Variants in TNC observed in about 807,000 individuals in gnomAD.
The protein encoded by TNC is tenascin.
TNC carries 109 observed loss-of-function variants against 202.4 expected under a neutral mutation model. The ratio of observed to expected loss-of-function variants is 0.54; its 90% CI spans 0.46 to 0.63. The LOEUF (loss-of-function observed/expected upper bound fraction) is 0.63. Among genes scored for constraint, TNC ranks in the 30% least tolerant of loss-of-function variants. The pLI, the probability that TNC is intolerant of heterozygous loss-of-function variation, is 0.00. For synonymous variants in TNC, 1,007 were observed against 1,089.7 expected (o/e 0.92, Z 1.50); for missense variants, 2,756 against 2,833.3 (o/e 0.97, Z 0.62).
rs201681796 is a variant in TNC at position 115,086,541 on chromosome 9, C to T, written c.1190G>A (p.Gly397Asp). The T allele has an allele frequency of 3.1e-6, 5 of 1,613,928 alleles. No individual in the cohort carries two copies. In the East Asian group the frequency reaches 1.1e-4, roughly 36 times the overall value. The change falls in exon 3 of 28, where the codon GGT becomes GAT. Residue 397 changes from glycine (G) to aspartate (D), a missense_variant. This residue lies in a region of TNC where 2,559 missense variants were observed against 2,546.0 expected (regional missense o/e 1.01). Coordinates refer to ENST00000350763, the MANE Select transcript of TNC (RefSeq NM_002160.4). ...CTCCCCACAGTCAGCTCCAGTGAAA[C>T]CATCATCACACTCACACCGCCCGTC... ...CVDGRCECDD[G>D]FTGADCGELK...
In TNC at chr9:115,076,362, C is replaced by G. The variant is rs772955498; in HGVS notation, c.2860+28G>C. On this transcript the variant is annotated intron_variant, in intron 8 of 27. Transcript: ENST00000350763. Reference sequence around the variant, plus strand: ...TTAAGGGCCCTCTAGGGCTGGCTGGCTCAGGCTTGCAGAGATGCAGAGCTC... The same window carrying G: ...TTAAGGGCCCTCTAGGGCTGGCTGGGTCAGGCTTGCAGAGATGCAGAGCTC... 2.5e-5 allele frequency: 41 copies of G among 1,611,072 alleles called. 1 individual carries two copies. The highest frequency in any genetic ancestry group is 3.4e-5 in the Non-Finnish European group (40 of 1,178,484).
chr9:115,092,829 A>C (rs1835334829), intron 1 of TNC, among the ~76,000 whole-genome samples: 1 of 150,164 alleles, frequency 6.7e-6, no homozygotes, highest in South Asian at 2.1e-4. Flanking sequence ...CAGGCAATCC[A>C]CTTGCCTCAA....
chr9:115,066,311 C>T (rs778278208), intron 10 of TNC, among the ~76,000 whole-genome samples: 29 of 152,330 alleles, frequency 1.9e-4, no homozygotes, highest in Non-Finnish European at 2.2e-4. Context: ...AAGTATTTCT[C>T]TGGAAATGGA....
In TNC at chr9:115,021,102, A is replaced by T; in HGVS notation, c.*55T>A. On this transcript the variant is annotated 3_prime_UTR_variant, in exon 28 of 28. Transcript: ENST00000350763. ...GGCTGGTTGTATTGATGCTTTGGTA[A>T]AATCCTTTCCTCGCTCTGGGCCTTA... 1 of 1,444,972 alleles carries T rather than the reference A, an allele frequency of 6.9e-7. No homozygotes were observed. The highest frequency in any genetic ancestry group is 9.7e-7 in the Non-Finnish European group (1 of 1,031,190). 89.5% of individuals were successfully genotyped at this position (1,444,972 alleles called of 1,614,324 possible). A position where few individuals can be genotyped will look rare whatever the true frequency, so the allele number is the denominator to read the frequency against.
intron 1 of TNC, among the ~76,000 whole-genome samples, chr9:115,094,815 CTCTGTGTGTGTGTGTGTGTGTGTG>C (rs1213293256): frequency 7.2e-5 from 9 of 125,228 alleles, no homozygotes; most frequent in Non-Finnish European, 1.0e-4. Flanking sequence ...GAACAAGTGC[CTCTGTGTGTGTGTGTGTGTGTGTG>C]TGTGTGTGTG....
intron 1 of TNC, among the ~76,000 whole-genome samples, chr9:115,113,779 A>C (rs1175839587): frequency 6.6e-6 from 1 of 152,216 alleles, no homozygotes; most frequent in Non-Finnish European, 1.5e-5. Flanking sequence ...TAGACTAAAA[A>C]TGCACATGGA....
intron 1 of TNC, among the ~76,000 whole-genome samples, chr9:115,117,461 T>A (rs1227694937): frequency 6.6e-6 from 1 of 152,158 alleles, no homozygotes; most frequent in Non-Finnish European, 1.5e-5. Context: ...ATTTCCAGGG[T>A]GAATATTTTG....
intron 19 of TNC, among the ~76,000 whole-genome samples, chr9:115,038,836 T>TC (rs1458598348): frequency 3.9e-5 from 6 of 152,076 alleles, no homozygotes; most frequent in Non-Finnish European, 5.9e-5. Context: ...TTTTTTCTTT[T>TC]CTTTTTTTTG....
chr9:115,098,509 C>G (rs554204105), intron 1 of TNC, among the ~76,000 whole-genome samples: 2 of 152,294 alleles, frequency 1.3e-5, no homozygotes, highest in South Asian at 2.1e-4. Context: ...CTGGTCACAG[C>G]TGGAGAATAA....
chr9:115,086,008 C>T lies in TNC; in HGVS notation c.1723G>A (p.Asp575Asn), dbSNP rs759420040. The T allele has an allele frequency of 2.5e-6, 4 of 1,613,976 alleles. No homozygotes were observed. Among genetic ancestry groups the T allele is most frequent in the Non-Finnish European group, 3.4e-6 (4 of 1,179,930 alleles). Residue 575 changes from aspartate (D) to asparagine (N), a missense_variant, in exon 3 of 28, where the codon GAC (aspartate) becomes AAC (asparagine). Transcript: ENST00000350763. Reference sequence around the variant, plus strand: ...CCCTCGTGGCAGATGCACTGGCCGTCCACGCAGCGGCCCTGGCCATGACAG... The same window carrying T: ...CCCTCGTGGCAGATGCACTGGCCGTTCACGCAGCGGCCCTGGCCATGACAG... ...SDCHGQGRCV[D>N]GQCICHEGFT...
Position 115,073,723 on chromosome 9 carries a change from G to A in TNC, c.3094C>T (p.Pro1032Ser). 1.2e-6 allele frequency: 2 copies of A among 1,614,144 alleles called. No homozygotes were observed. Among genetic ancestry groups the A allele is most frequent in the Non-Finnish European group, 8.5e-7 (1 of 1,180,014 alleles). Residue 1032 changes from proline (P) to serine (S), a missense_variant, in exon 10 of 28, where the codon CCA becomes TCA. Transcript: ENST00000350763. ...PTGQWVGVQL[P>S]RNTTSYVLRG... ...AGGACATAGGAAGTGGTGTTTCTTG[G>A]AAGCTGCACTCCCACCCACTGGCCT...
At chr9:115,028,924 GAAAAAAAAAAAAA>G (rs57737243) in intron 25 of TNC, among the ~76,000 whole-genome samples, 1,996 of 63,370 alleles carry the variant, frequency 0.031, 2 homozygotes, top group Non-Finnish European at 0.036. Flanking sequence ...CATTATCTCT[GAAAAAAAAAAAAA>G]AAAAAAAAAA....
chr9:115,113,518 C>T (rs993506576), intron 1 of TNC, among the ~76,000 whole-genome samples: 59 of 152,088 alleles, frequency 3.9e-4, no homozygotes, highest in African/African-American at 1.3e-3. Context: ...ACATTCTTGT[C>T]GAAGTTAGCA....
intron 10 of TNC, among the ~76,000 whole-genome samples, chr9:115,065,629 A>G (rs539585722): frequency 1.1e-4 from 17 of 151,968 alleles, no homozygotes; most frequent in African/African-American, 4.1e-4. Context: ...ATTTTGAGAC[A>G]ATTGGCTCTT....
intron 1 of TNC, among the ~76,000 whole-genome samples, chr9:115,096,604 A>T (rs1835812328): frequency 6.7e-6 from 1 of 148,792 alleles, no homozygotes; most frequent in South Asian, 2.3e-4. Context: ...ATGGGTGAGT[A>T]CCTCAGACAC....
At chr9:115,078,938 A>G (rs1463103315) in intron 6 of TNC, among the ~76,000 whole-genome samples, 1 of 152,110 alleles carries the variant, frequency 6.6e-6, no homozygotes, top group Non-Finnish European at 1.5e-5. Flanking sequence ...AAAATCTCCT[A>G]TGCATCCTTC....
chr9:115,064,596 C>T, intron 11 of TNC, 51 bp downstream of exon 11: 6 of 1,546,578 alleles, frequency 3.9e-6, no homozygotes, highest in Non-Finnish European at 4.4e-6. Context: ...TATTCATGGG[C>T]AGTTTCCTGC....
intron 1 of TNC, among the ~76,000 whole-genome samples, chr9:115,101,805 A>C (rs2988579): frequency 0.98 from 148,383 of 152,142 alleles, 72,478 homozygotes; most frequent in East Asian, 1. Flanking sequence ...TAATTATGTG[A>C]CACTTTGCAC....
At chr9:115,053,171 T>A (rs551648262) in intron 15 of TNC, among the ~76,000 whole-genome samples, 1 of 152,342 alleles carries the variant, frequency 6.6e-6, no homozygotes, top group East Asian at 1.9e-4. Flanking sequence ...CTGCATTGAA[T>A]ATGATGATAG....
Sources: allele counts gnomAD v4.1 joint callset (sites outside exome capture counted in the v4.1 genomes callset), GRCh38; gene constraint gnomAD v4.1.1; regional missense constraint gnomAD v4.1.1; transcripts MANE v1.5; gene names NCBI Gene and HGNC (gene_info 2026-07-23, HGNC 2026-07-21).